The following EIF3H variants were observed in gnomAD, a reference collection of about 807,000 sequenced individuals.
EIF3H encodes the protein eukaryotic translation initiation factor 3 subunit H.
EIF3H carries 26 observed loss-of-function variants against 44.2 expected under a neutral mutation model. That is an observed-to-expected ratio of 0.59 (90% CI 0.43 to 0.82). EIF3H has a LOEUF of 0.82. EIF3H is among the 40% of genes least tolerant of loss of function. EIF3H has a pLI of 0.00. For synonymous variants in EIF3H, 166 were observed against 151.9 expected, an observed-to-expected ratio of 1.09 and a Z score of -0.68; for missense variants, 359 against 432.8, an observed-to-expected ratio of 0.83 and a Z score of 1.51.
intron 2 of EIF3H, among the ~76,000 whole-genome samples, chr8:116,663,765 T>C (rs1813620265): frequency 6.6e-6 from 1 of 151,916 alleles, no homozygotes; most frequent in Admixed American, 6.6e-5. Flanking sequence ...ACCTCGTCTC[T>C]ACTAAAAATA....
chr8:116,678,372 G>GC (rs1216715622), intron 2 of EIF3H, among the ~76,000 whole-genome samples: 28 of 150,122 alleles, frequency 1.9e-4, no homozygotes, highest in Non-Finnish European at 3.4e-4. Flanking sequence ...GCCTGCCTTG[G>GC]CCCCCCAAAG....
intron 2 of EIF3H, among the ~76,000 whole-genome samples, chr8:116,666,752 G>GGAAAA (rs1586441116): frequency 3.0e-4 from 1 of 3,386 alleles, no homozygotes; most frequent in African/African-American, 2.3e-3. Context: ...TTAGTGTTAG[G>GGAAAA]CAAAAAAAAA....
intron 2 of EIF3H, among the ~76,000 whole-genome samples, chr8:116,684,168 C>T (rs1231011290): frequency 6.6e-6 from 1 of 152,264 alleles, no homozygotes; most frequent in East Asian, 1.9e-4. Flanking sequence ...ATAAAAGGAG[C>T]CTGTCTTTGT....
chr8:116,707,954 A>G (rs1814498524), intron 2 of EIF3H, among the ~76,000 whole-genome samples: 2 of 152,278 alleles, frequency 1.3e-5, no homozygotes, highest in East Asian at 1.9e-4. Flanking sequence ...ATATAAATTC[A>G]TGTTTCCTGA....
chr8:116,723,841 G>A (rs987355645), intron 2 of EIF3H, among the ~76,000 whole-genome samples: 3 of 152,140 alleles, frequency 2.0e-5, no homozygotes, highest in African/African-American at 7.2e-5. Context: ...TATATAAATG[G>A]AAAGAAAAGC....
At chr8:116,708,156 C>A (rs1191309602) in intron 2 of EIF3H, among the ~76,000 whole-genome samples, 3 of 151,996 alleles carry the variant, frequency 2.0e-5, no homozygotes, top group Non-Finnish European at 4.4e-5. Flanking sequence ...TCTTAGGTGT[C>A]TTTAAGTTAC....
At chr8:116,742,170 T>C (rs1351638997) in intron 1 of EIF3H, among the ~76,000 whole-genome samples, 3 of 152,186 alleles carry the variant, frequency 2.0e-5, no homozygotes, top group South Asian at 4.1e-4. Context: ...TCAACCTCTA[T>C]AATATTTCAG....
chr8:116,692,583 CTTAA>C (rs746002823), intron 2 of EIF3H, among the ~76,000 whole-genome samples: 10 of 152,236 alleles, frequency 6.6e-5, no homozygotes, highest in East Asian at 5.8e-4. Flanking sequence ...CTGAGACTTA[CTTAA>C]TTAAGACAGG....
Position 116,755,807 on chromosome 8 carries a change from CAGACAGGAAGAAA to C in EIF3H, c.-23_-11del. 2.5e-6 allele frequency: 4 copies of C among 1,612,680 alleles called. No homozygotes were observed. The highest frequency in any genetic ancestry group is 3.4e-6 in the Non-Finnish European group (4 of 1,179,996). ...CCTTGCGGGACGCCATCTTTCCAAG[CAGACAGGAAGAAA>C]GAGAAACGTGAGTTACCGGAAGCGG... On this transcript the variant is annotated 5_prime_UTR_variant, in exon 1 of 8. Coordinates refer to ENST00000521861, the MANE Select transcript of EIF3H (RefSeq NM_003756.3).
At chr8:116,754,406 C>T (rs1310087201) in intron 1 of EIF3H, among the ~76,000 whole-genome samples, 2 of 152,152 alleles carry the variant, frequency 1.3e-5, no homozygotes, top group Non-Finnish European at 2.9e-5. Context: ...CCACCACGCC[C>T]GGCCTGCATT....
chr8:116,655,211 C>T (rs1813469544), intron 5 of EIF3H, among the ~76,000 whole-genome samples: 1 of 151,432 alleles, frequency 6.6e-6, no homozygotes. Context: ...ATTAATTTAA[C>T]AAAGGGAACA....
chr8:116,730,547 T>C (rs1421753030), intron 1 of EIF3H, among the ~76,000 whole-genome samples: 1 of 152,238 alleles, frequency 6.6e-6, no homozygotes, highest in African/African-American at 2.4e-5. Context: ...AGGAAATTCC[T>C]GATTAAATAT....
chr8:116,718,511 T>C (rs192730893), intron 2 of EIF3H, among the ~76,000 whole-genome samples: 9 of 151,248 alleles, frequency 6.0e-5, no homozygotes, highest in African/African-American at 1.9e-4. Flanking sequence ...ATGTGTTGCA[T>C]ATATATATAT....
intron 1 of EIF3H, among the ~76,000 whole-genome samples, chr8:116,732,337 T>C (rs181348758): frequency 6.6e-6 from 1 of 152,252 alleles, no homozygotes; most frequent in Admixed American, 6.5e-5. Context: ...CAATCTAAAA[T>C]AGCCAAATAA....
At chr8:116,713,759 A>G (rs1386412481) in intron 2 of EIF3H, among the ~76,000 whole-genome samples, 1 of 152,148 alleles carries the variant, frequency 6.6e-6, no homozygotes, top group Non-Finnish European at 1.5e-5. Flanking sequence ...GCAATAATCT[A>G]AAGTTCATTG....
chr8:116,735,176 A>G (rs1188799430), intron 1 of EIF3H, among the ~76,000 whole-genome samples: 1 of 152,206 alleles, frequency 6.6e-6, no homozygotes, highest in Non-Finnish European at 1.5e-5. Context: ...GCCATGCCCC[A>G]AAATACATCA....
intron 2 of EIF3H, among the ~76,000 whole-genome samples, chr8:116,710,815 T>G (rs1378682748): frequency 6.6e-6 from 1 of 152,162 alleles, no homozygotes; most frequent in Non-Finnish European, 1.5e-5. Flanking sequence ...GGACTTAGTT[T>G]CCCATCTGCT....
At chr8:116,706,077 T>C (rs573448644) in intron 2 of EIF3H, among the ~76,000 whole-genome samples, 1 of 151,996 alleles carries the variant, frequency 6.6e-6, no homozygotes, top group Admixed American at 6.5e-5. Flanking sequence ...TGAGTTCCCA[T>C]AAATATTTCA....
chr8:116,759,703 T>TTGTG (rs1479439691), upstream of EIF3H, among the ~76,000 whole-genome samples: 2 of 151,972 alleles, frequency 1.3e-5, no homozygotes, highest in Non-Finnish European at 2.9e-5. Context: ...TGGGGTGTGT[T>TTGTG]TGTGTATGTG....
Sources: allele counts gnomAD v4.1 joint callset (sites outside exome capture counted in the v4.1 genomes callset), GRCh38; gene constraint gnomAD v4.1.1; transcripts MANE v1.5; gene names NCBI Gene and HGNC (gene_info 2026-07-23, HGNC 2026-07-21).